Variants in EIF4E3 observed in about 807,000 individuals in gnomAD.
EIF4E3 encodes the protein eukaryotic translation initiation factor 4E type 3.
EIF4E3 carries 26 observed loss-of-function variants against 31.7 expected under a neutral mutation model. The observed-to-expected ratio is 0.82, with a 90% CI of 0.60 to 1.14. The LOEUF (loss-of-function observed/expected upper bound fraction) is 1.14. Among genes scored for constraint, EIF4E3 ranks in the 50% most tolerant of loss-of-function variants. The pLI is 0.00. For synonymous variants in EIF4E3, 128 were observed against 107.7 expected, an observed-to-expected ratio of 1.19 and a Z score of -1.17; for missense variants, 304 against 270.9, an observed-to-expected ratio of 1.12 and a Z score of -0.86.
the EIF4E3 span, among the ~76,000 whole-genome samples, chr3:71,665,230 A>C: frequency 6.6e-6 from 1 of 152,204 alleles, no homozygotes; most frequent in Admixed American, 6.5e-5. Flanking sequence ...ATATGGAATA[A>C]ATTGGGCTCT....
At chr3:71,701,384 C>A (rs573703356) in intron 2 of EIF4E3, among the ~76,000 whole-genome samples, 7 of 152,046 alleles carry the variant, frequency 4.6e-5, no homozygotes, top group Admixed American at 1.3e-4. Flanking sequence ...CAGGCAGAGA[C>A]GAACCTGCCC....
At chr3:71,672,800 C>T (rs1438794146), downstream of EIF4E3, among the ~76,000 whole-genome samples, 1 of 151,656 alleles carries the variant, frequency 6.6e-6, no homozygotes, top group African/African-American at 2.4e-5. Context: ...TTTTTTTAAA[C>T]CTTTTCCACA....
In EIF4E3 at chr3:71,699,609, C is replaced by T; in HGVS notation, c.344+5G>A. On this transcript the variant is annotated splice_donor_5th_base_variant and intron_variant, in intron 3 of 6. Coordinates refer to ENST00000425534, the MANE Select transcript of EIF4E3 (RefSeq NM_001134651.2). ...TTGACCTTAAATTACACGTTAGACA[C>T]TTACCAAAGTGGTCGCCTCTCTCCT... is the stretch of plus-strand genomic sequence containing the variant. 1 of 1,613,232 alleles carries T rather than the reference C, an allele frequency of 6.2e-7. No individual in the cohort carries two copies. Among genetic ancestry groups the T allele is most frequent in the Non-Finnish European group, 8.5e-7 (1 of 1,179,618 alleles).
chr3:71,731,214 C>G (rs926124178), intron 1 of EIF4E3, among the ~76,000 whole-genome samples: 30 of 152,176 alleles, frequency 2.0e-4, no homozygotes, highest in Non-Finnish European at 4.0e-4. Flanking sequence ...TCTGCCTGCT[C>G]TCAGAAAAAA....
At chr3:71,754,205 C>T (rs780794016), upstream of EIF4E3, 4 of 1,406,700 alleles carry the variant, frequency 2.8e-6, no homozygotes, top group East Asian at 3.2e-5. The surrounding 1 kb of genome is among the most constrained non-coding windows in gnomAD (Gnocchi z 5.8). Context: ...TGCACCGCGC[C>T]CCGTACTACC....
Position 71,725,087 on chromosome 3 carries a change from G to A in EIF4E3, c.176+105C>T. On this transcript the variant is annotated intron_variant, in intron 1 of 6. Transcript: ENST00000425534. This position sits in a 1 kb window ranked among gnomAD's most constrained non-coding sequence, Gnocchi z 6.1. The stretch of plus-strand genomic sequence containing the variant: ...GACGCGCGGAGGGGCCGAGGTCTGT[G>A]CCACAGCGGAGCGGGGCCGGGGCGA... The A allele has an allele frequency of 1.6e-5, 14 of 872,510 alleles. No homozygotes were observed. The highest frequency in any genetic ancestry group is 1.9e-5 in the Non-Finnish European group (14 of 723,938). 54.0% of individuals were successfully genotyped at this position (872,510 alleles called of 1,614,324 possible).
intron 1 of EIF4E3, among the ~76,000 whole-genome samples, chr3:71,748,103 T>C (rs2108162046): frequency 6.6e-6 from 1 of 152,326 alleles, no homozygotes; most frequent in East Asian, 1.9e-4. Context: ...GGCTTTTATT[T>C]TTTCCAAACA....
chr3:71,691,524 A>G (rs1466252188), intron 5 of EIF4E3, among the ~76,000 whole-genome samples: 2 of 152,184 alleles, frequency 1.3e-5, no homozygotes, highest in African/African-American at 4.8e-5. Flanking sequence ...AAATTAGCCT[A>G]TAATGTTAGA....
chr3:71,723,680 A>G (rs1016603426), intron 1 of EIF4E3, among the ~76,000 whole-genome samples: 1 of 152,242 alleles, frequency 6.6e-6, no homozygotes, highest in Admixed American at 6.5e-5. Flanking sequence ...TTTAGACCAC[A>G]GGTCCAGGTT....
intron 1 of EIF4E3, among the ~76,000 whole-genome samples, chr3:71,714,873 G>A (rs2049441271): frequency 6.6e-6 from 1 of 152,212 alleles, no homozygotes. Context: ...CACCTGAGTA[G>A]ACATTTGTAG....
the EIF4E3 span, among the ~76,000 whole-genome samples, chr3:71,669,638 T>G: frequency 1.3e-5 from 2 of 151,988 alleles, no homozygotes; most frequent in Non-Finnish European, 2.9e-5. Flanking sequence ...GGCAGAAATC[T>G]TCCCAGACTC....
chr3:71,738,525 A>G (rs2049787203), intron 1 of EIF4E3, among the ~76,000 whole-genome samples: 2 of 152,188 alleles, frequency 1.3e-5, no homozygotes, highest in African/African-American at 2.4e-5. Flanking sequence ...TAAATATCAA[A>G]TAAAGCAGAT....
At chr3:71,685,580 C>A (rs1578330933) in intron 6 of EIF4E3, among the ~76,000 whole-genome samples, 1 of 152,170 alleles carries the variant, frequency 6.6e-6, no homozygotes, top group African/African-American at 2.4e-5. Flanking sequence ...ACAGGCTGGT[C>A]TGGAACTCCT....
At chr3:71,712,111 C>A (rs1472339185) in intron 1 of EIF4E3, among the ~76,000 whole-genome samples, 3 of 152,196 alleles carry the variant, frequency 2.0e-5, no homozygotes, top group Non-Finnish European at 4.4e-5. Flanking sequence ...ATAAAGAAAT[C>A]TACTGTAAAG....
In EIF4E3 at chr3:71,683,817, G is replaced by A. The variant is rs150586974; in HGVS notation, c.*865C>T. On this transcript the variant is annotated 3_prime_UTR_variant, in exon 7 of 7. Coordinates refer to ENST00000425534, the MANE Select transcript of EIF4E3 (RefSeq NM_001134651.2). ...GGTAAACACACCCGAACTTTGCAAG[G>A]AGCTTAATTCAAACAATTAAAATAT... is the stretch of plus-strand genomic sequence containing the variant. 15 of 152,240 alleles carry A rather than the reference G, an allele frequency of 9.9e-5. No individual in the cohort carries two copies. The highest frequency in any genetic ancestry group is 3.4e-4 in the African/African-American group (14 of 41,544). The allele number at this position is 152,240 out of a possible 1,614,324, so 9.4% of individuals were successfully genotyped here. A position where few individuals can be genotyped will look rare whatever the true frequency, so the allele number is the denominator to read the frequency against.
At chr3:71,662,843 A>G in the EIF4E3 span, among the ~76,000 whole-genome samples, 1 of 152,158 alleles carries the variant, frequency 6.6e-6, no homozygotes, top group African/African-American at 2.4e-5. Context: ...AAATACTCCA[A>G]TAAGAGAGAA....
intron 1 of EIF4E3, among the ~76,000 whole-genome samples, chr3:71,721,991 AG>A (rs139619402): frequency 0.079 from 11,725 of 148,596 alleles, 571 homozygotes; most frequent in African/African-American, 0.14. Flanking sequence ...AGCAGAAAGA[AG>A]GGCATGGCAG....
chr3:71,738,463 GA>G (rs2049785823), intron 1 of EIF4E3, among the ~76,000 whole-genome samples: 2 of 151,816 alleles, frequency 1.3e-5, no homozygotes, highest in African/African-American at 4.8e-5. Context: ...GAAAAAAAAT[GA>G]AAAAAGAGAT....
chr3:71,675,153 C>T (rs2048866341), downstream of EIF4E3, among the ~76,000 whole-genome samples: 1 of 152,118 alleles, frequency 6.6e-6, no homozygotes, highest in East Asian at 1.9e-4. Context: ...CTTTCCAATC[C>T]CTGGTAGAAG....
Sources: allele counts gnomAD v4.1 joint callset (sites outside exome capture counted in the v4.1 genomes callset), GRCh38; gene constraint gnomAD v4.1.1; non-coding constraint Gnocchi (gnomAD v3.1); transcripts MANE v1.5; gene names NCBI Gene and HGNC (gene_info 2026-07-23, HGNC 2026-07-21).